Variants in FTO observed in about 807,000 individuals in gnomAD.
FTO encodes the protein alpha-ketoglutarate-dependent dioxygenase FTO.
A neutral mutation model predicts 63.9 loss-of-function variants in FTO; 47 were observed. The ratio of observed to expected loss-of-function variants is 0.74; its 90% confidence interval spans 0.58 to 0.94. The LOEUF (loss-of-function observed/expected upper bound fraction) is 0.94, where lower values mean the gene tolerates loss of function less well. FTO is among the 40% of genes least tolerant of loss of function. The pLI is 0.00. For missense variants in FTO, 562 were observed against 618.1 expected (o/e 0.91, Z 0.96); for synonymous variants, 207 against 224.4 (o/e 0.92, Z 0.69).
intron 1 of FTO, among the ~76,000 whole-genome samples, chr16:53,771,552 A>T (rs1335084130): frequency 6.6e-6 from 1 of 151,970 alleles, no homozygotes; most frequent in East Asian, 1.9e-4. Flanking sequence ...TTCTGTTCAA[A>T]CTCTTTTATG....
chr16:53,848,454 GGACATGCT>G (rs1002522897), intron 4 of FTO, among the ~76,000 whole-genome samples: 1 of 152,120 alleles, frequency 6.6e-6, no homozygotes, highest in Non-Finnish European at 1.5e-5. Flanking sequence ...CAGTGCCTGA[GGACATGCT>G]TAACTAAGGT....
intron 1 of FTO, among the ~76,000 whole-genome samples, chr16:53,807,995 A>T (rs560369908): frequency 6.6e-6 from 1 of 152,178 alleles, no homozygotes; most frequent in African/African-American, 2.4e-5. Flanking sequence ...TTACATTAGT[A>T]TTATAACTAT....
chr16:54,086,913 A>G (rs1227571898), intron 8 of FTO, among the ~76,000 whole-genome samples: 2 of 152,244 alleles, frequency 1.3e-5, no homozygotes, highest in African/African-American at 4.8e-5. Context: ...AAAGGAGTTC[A>G]GTGGGCTGCC....
chr16:53,904,928 A>G (rs1250662171), intron 7 of FTO, among the ~76,000 whole-genome samples: 1 of 151,954 alleles, frequency 6.6e-6, no homozygotes, highest in Admixed American at 6.6e-5. Context: ...CCTTGCACAC[A>G]TAGTTTGTTA....
intron 1 of FTO, among the ~76,000 whole-genome samples, chr16:53,783,415 G>C (rs2077638948): frequency 6.6e-6 from 1 of 151,918 alleles, no homozygotes; most frequent in Non-Finnish European, 1.5e-5. Context: ...AGGCCATCCT[G>C]GCTAACACGG....
At chr16:53,915,334 T>G (rs2081837312) in intron 7 of FTO, among the ~76,000 whole-genome samples, 3 of 152,252 alleles carry the variant, frequency 2.0e-5, no homozygotes, top group African/African-American at 7.2e-5. Context: ...ACAAATGCTA[T>G]GCAGCTCTTA....
intron 1 of FTO, among the ~76,000 whole-genome samples, chr16:53,718,045 A>T (rs1452979364): frequency 6.6e-6 from 1 of 152,042 alleles, no homozygotes; most frequent in South Asian, 2.1e-4. Flanking sequence ...AAGGTCCCCC[A>T]TGTGCCCCAC....
rs1156303717 is a variant in FTO at position 53,704,239 on chromosome 16, G to T, written c.45+10G>T. On this transcript the variant is annotated intron_variant, in intron 1 of 8. Coordinates refer to ENST00000471389, the MANE Select transcript of FTO (RefSeq NM_001080432.3). The stretch of plus-strand genomic sequence containing the variant: ...AGAGCGCGAAGCTAAGGTATGTCGG[G>T]CTCCCGGGGCCTGGAGATCTTCGTG... 1 of 1,551,364 alleles carries T rather than the reference G, an allele frequency of 6.4e-7. No individual in the cohort carries two copies.
At chr16:53,807,133 C>T (rs1445802924) in intron 1 of FTO, among the ~76,000 whole-genome samples, 1 of 152,124 alleles carries the variant, frequency 6.6e-6, no homozygotes, top group African/African-American at 2.4e-5. Flanking sequence ...TTATTTAATA[C>T]TTGATCTTGT....
intron 1 of FTO, among the ~76,000 whole-genome samples, chr16:53,806,448 C>A (rs1236862788): frequency 6.6e-6 from 1 of 152,158 alleles, no homozygotes; most frequent in Non-Finnish European, 1.5e-5. Flanking sequence ...GTCATTTATC[C>A]TTTGTGTTTC....
chr16:54,085,055 C>T (rs1000992804), intron 8 of FTO, among the ~76,000 whole-genome samples: 14 of 152,166 alleles, frequency 9.2e-5, no homozygotes, highest in Non-Finnish European at 1.8e-4. Flanking sequence ...TTACTTACTG[C>T]TCCCTAATGC....
intron 2 of FTO, among the ~76,000 whole-genome samples, chr16:53,815,491 T>C (rs2078649722): frequency 6.6e-6 from 1 of 152,138 alleles, no homozygotes; most frequent in Non-Finnish European, 1.5e-5. Context: ...AGCATCCTCC[T>C]GATTAGCGTT....
intron 8 of FTO, among the ~76,000 whole-genome samples, chr16:54,107,220 G>A (rs1337506256): frequency 6.6e-6 from 1 of 151,886 alleles, no homozygotes; most frequent in African/African-American, 2.4e-5. Context: ...ACAGATCCAA[G>A]TTTATTTGCT....
chr16:53,732,041 ATTTTTTTTT>A (rs375814669), intron 1 of FTO, among the ~76,000 whole-genome samples: 3 of 98,620 alleles, frequency 3.0e-5, no homozygotes, highest in South Asian at 3.7e-4. Flanking sequence ...TTGTGGCCTT[ATTTTTTTTT>A]TTTTTTTTTT....
intron 8 of FTO, among the ~76,000 whole-genome samples, chr16:54,106,952 A>G (rs1235273096): frequency 6.9e-6 from 1 of 144,086 alleles, no homozygotes; most frequent in Admixed American, 7.1e-5. Flanking sequence ...TATATTATGT[A>G]TATACTTTAT....
chr16:53,966,167 G>C (rs1199477179), intron 8 of FTO, among the ~76,000 whole-genome samples: 1 of 152,224 alleles, frequency 6.6e-6, no homozygotes, highest in Middle Eastern at 3.4e-3. Flanking sequence ...CATGGCAGCT[G>C]TAATTTTGAA....
At chr16:54,008,944 C>T (rs902639820) in intron 8 of FTO, among the ~76,000 whole-genome samples, 4 of 151,576 alleles carry the variant, frequency 2.6e-5, no homozygotes, top group Non-Finnish European at 2.9e-5. Flanking sequence ...CTCAGGAGTT[C>T]GAGGTTGCAG....
intron 5 of FTO, among the ~76,000 whole-genome samples, chr16:53,876,138 T>G (rs532779399): frequency 1.3e-5 from 2 of 152,232 alleles, no homozygotes; most frequent in African/African-American, 2.4e-5. Context: ...CCTAAAGGTA[T>G]ACAGTTAAAG....
intron 7 of FTO, among the ~76,000 whole-genome samples, chr16:53,910,683 G>T (rs182365162): frequency 3.9e-5 from 6 of 152,058 alleles, no homozygotes; most frequent in Non-Finnish European, 8.8e-5. Context: ...TTACAGATGC[G>T]CACCACCATG....
Sources: allele counts gnomAD v4.1 joint callset (sites outside exome capture counted in the v4.1 genomes callset), GRCh38; gene constraint gnomAD v4.1.1; transcripts MANE v1.5; gene names NCBI Gene and HGNC (gene_info 2026-07-23, HGNC 2026-07-21).